VARS2: variants seen among roughly 807,000 people sequenced by gnomAD.
VARS2 encodes the protein valyl-tRNA synthetase 2, mitochondrial, also known as valine--tRNA ligase, mitochondrial.
A neutral mutation model predicts 154.1 loss-of-function variants in VARS2; 105 were observed. That is an observed-to-expected ratio of 0.68 (90% CI 0.58 to 0.80). VARS2 has a LOEUF of 0.80. VARS2 is among the 30% of genes least tolerant of loss of function. The pLI is 0.00. For synonymous variants in VARS2, 483 were observed against 539.5 expected (o/e 0.90, Z 1.45); for missense variants, 1,157 against 1,361.4 (o/e 0.85, Z 2.36).
Position 30,920,339 on chromosome 6 carries a change from CA to C in VARS2, c.1301del (p.His434ProfsTer9). 6.2e-7 allele frequency: 1 copy of C among 1,610,122 alleles called. No individual in the cohort carries two copies. The highest frequency in any genetic ancestry group is 8.5e-7 in the Non-Finnish European group (1 of 1,178,442). ...CTTGCCGCTTTTTCTCCAGGGTCTT[CA>C]CCGGTTTGTGGCCCGGGAAAAGATA... is the stretch of plus-strand genomic sequence containing the variant. ...SLCGDWLQGL[H>X]RFVAREKIMS... On this transcript the variant is annotated frameshift_variant, in exon 14 of 30. Coordinates refer to ENST00000676266, the MANE Select transcript of VARS2 (RefSeq NM_020442.6). LOFTEE classifies it high-confidence loss of function. The surrounding 1 kb of genome is among the most constrained non-coding windows in gnomAD (Gnocchi z 4.6).
In VARS2 at chr6:30,920,840, G is replaced by T; in HGVS notation, c.1479+91G>T. The T allele has an allele frequency of 3.2e-6, 4 of 1,235,634 alleles. No homozygotes were observed. Among genetic ancestry groups the T allele is most frequent in the East Asian group, 2.6e-5 (1 of 39,140 alleles). The allele number at this position is 1,235,634 out of a possible 1,614,324, so 76.5% of individuals were successfully genotyped here. A position where few individuals can be genotyped will look rare whatever the true frequency, so the allele number is the denominator to read the frequency against. ...AGAAATGGGAAGCAGGAGACCTCCT[G>T]CCCTGAAGACCTCTCCAGCTGTGGT... On this transcript the variant is annotated intron_variant, in intron 15 of 29. Coordinates refer to ENST00000676266, the MANE Select transcript of VARS2 (RefSeq NM_020442.6). This position sits in a 1 kb window ranked among gnomAD's most constrained non-coding sequence, Gnocchi z 4.6.
In VARS2 at chr6:30,917,802, G is replaced by A. The variant is rs547380025; in HGVS notation, c.981G>A (p.Glu327=). ...LFSVAFPVDG[E]PDAEVVVGTT... ...CTGTTGCCTTCCCCGTGGATGGAGA[G>A]CCTGGTGAGCATAGTACTCTGCAGG... Residue 327 remains glutamate (E), a synonymous_variant, in exon 10 of 30, where the codon GAG becomes GAA. Transcript: ENST00000676266. The surrounding 1 kb of genome is among the most constrained non-coding windows in gnomAD (Gnocchi z 4.4). 1 of 1,554,458 alleles carries A rather than the reference G, an allele frequency of 6.4e-7. No individual in the cohort carries two copies. Among genetic ancestry groups the A allele is most frequent in the East Asian group, 2.4e-5 (1 of 41,254 alleles).
Position 30,916,039 on chromosome 6 carries a change from G to T in VARS2, c.565G>T (p.Ala189Ser), listed in dbSNP as rs1296872162. 10 of 1,614,020 alleles carry T rather than the reference G, an allele frequency of 6.2e-6. No homozygotes were observed. The highest frequency in any genetic ancestry group is 7.6e-6 in the Non-Finnish European group (9 of 1,179,904). ...WVPGSDHAGI[A>S]TQAVVEKQLW... ...CCCTGGTTCAGATCATGCAGGAATT[G>T]CTACACAAGTATGTCTTTTGTTACC... The change falls in exon 6 of 30, where the codon GCT becomes TCT. Residue 189 changes from alanine to serine, a missense_variant. Physicochemically the swap from Ala to Ser is moderately conservative, Grantham distance 99. Coordinates refer to ENST00000676266, the MANE Select transcript of VARS2 (RefSeq NM_020442.6). This position sits in a 1 kb window ranked among gnomAD's most constrained non-coding sequence, Gnocchi z 4.0.
At position 30,919,067 on chromosome 6, in the gene VARS2, T is replaced by C. The variant is rs1794348937; in HGVS notation, c.1074+152T>C. 4 of 684,574 alleles carry C rather than the reference T, an allele frequency of 5.8e-6. No homozygotes were observed. Among genetic ancestry groups the C allele is most frequent in the East Asian group, 2.7e-5 (1 of 36,450 alleles). The allele number at this position is 684,574 out of a possible 1,614,324, so 42.4% of individuals were successfully genotyped here. On this transcript the variant is annotated intron_variant, in intron 11 of 29. Transcript: ENST00000676266. This position sits in a 1 kb window ranked among gnomAD's most constrained non-coding sequence, Gnocchi z 4.5. ...CTGATTGGACTCCCTCCTCCTCTTA[T>C]AGTTTTTCTGTAGCTCAGGGGTTGA...
chr6:30,924,388 G>T lies in VARS2; in HGVS notation c.2501G>T (p.Arg834Leu), dbSNP rs747564856. Reference protein sequence around the residue: ...AVKPVLWHSPRPLGPPQVLFS... With the variant: ...AVKPVLWHSPLPLGPPQVLFS... ...AAGCCCGTGCTGTGGCACTCGCCCCGCCCCCTGGGGCCCCCTCAGGTCCTG... is the reference window on the plus strand; with the variant it reads ...AAGCCCGTGCTGTGGCACTCGCCCCTCCCCCTGGGGCCCCCTCAGGTCCTG... The change falls in exon 26 of 30, where the codon CGC (arginine) becomes CTC (leucine). Residue 834 changes from arginine (R) to leucine (L), a missense_variant. Arg to Leu is a moderately radical substitution (Grantham distance 102). Coordinates refer to ENST00000676266, the MANE Select transcript of VARS2 (RefSeq NM_020442.6). The T allele has an allele frequency of 4.3e-6, 7 of 1,612,516 alleles. No homozygotes were observed. In the South Asian group the frequency reaches 7.7e-5, roughly 18 times the overall value.
chr6:30,922,698 A>T lies in VARS2; in HGVS notation c.2038-8A>T. 2.5e-6 allele frequency: 4 copies of T among 1,611,634 alleles called. No individual in the cohort carries two copies. The highest frequency in any genetic ancestry group is 3.4e-6 in the Non-Finnish European group (4 of 1,179,288). On this transcript the variant is annotated splice_polypyrimidine_tract_variant and splice_region_variant and intron_variant, in intron 21 of 29. Transcript: ENST00000676266. ...CCTGGGTCGTGAATTGCCCCCTTCCATCCCCAGGTGCTGCAGGAAAAGCTG... is the reference window on the plus strand; with the variant it reads ...CCTGGGTCGTGAATTGCCCCCTTCCTTCCCCAGGTGCTGCAGGAAAAGCTG...
chr6:30,917,092 C>T lies in VARS2; in HGVS notation c.754-13C>T, dbSNP rs750652969. The T allele has an allele frequency of 1.2e-6, 2 of 1,614,100 alleles. No individual in the cohort carries two copies. The highest frequency in any genetic ancestry group is 1.7e-6 in the Non-Finnish European group (2 of 1,180,032). On this transcript the variant is annotated splice_polypyrimidine_tract_variant and intron_variant, in intron 8 of 29. Coordinates refer to ENST00000676266, the MANE Select transcript of VARS2 (RefSeq NM_020442.6). This position sits in a 1 kb window ranked among gnomAD's most constrained non-coding sequence, Gnocchi z 4.4. ...GAAGTGGCTCTTAGAGGTGGACACTCAGGTCATTCCAGGGCTCCTCAGTGG... is the reference window on the plus strand; with the variant it reads ...GAAGTGGCTCTTAGAGGTGGACACTTAGGTCATTCCAGGGCTCCTCAGTGG...
Position 30,919,928 on chromosome 6 carries a change from G to T in VARS2, c.1165+80G>T. The T allele has an allele frequency of 6.8e-7, 1 of 1,480,236 alleles. No homozygotes were observed. Among genetic ancestry groups the T allele is most frequent in the Admixed American group, 2.2e-5 (1 of 44,972 alleles). 91.7% of individuals were successfully genotyped at this position (1,480,236 alleles called of 1,614,324 possible). On this transcript the variant is annotated intron_variant, in intron 12 of 29. Coordinates refer to ENST00000676266, the MANE Select transcript of VARS2 (RefSeq NM_020442.6). The surrounding 1 kb of genome is among the most constrained non-coding windows in gnomAD (Gnocchi z 4.5). ...GGGAACCAGGAGGAAGAGGAAGGTG[G>T]GAGTGGGAGATCCTCATATAGGGTG...
rs963260612 is a variant in VARS2, at chr6:30,919,398, G to A, written c.1075-360G>A. On this transcript the variant is annotated intron_variant, in intron 11 of 29. Coordinates refer to ENST00000676266, the MANE Select transcript of VARS2 (RefSeq NM_020442.6). This position sits in a 1 kb window ranked among gnomAD's most constrained non-coding sequence, Gnocchi z 4.5. ...GACGGAGTGTCACTGTGTTAGCCAGGATAGTCTCGATCTCCTGACCTCGTG... is the reference window on the plus strand; with the variant it reads ...GACGGAGTGTCACTGTGTTAGCCAGAATAGTCTCGATCTCCTGACCTCGTG... The A allele has an allele frequency of 3.0e-4, 65 of 218,014 alleles. No homozygotes were observed. The highest frequency in any genetic ancestry group is 2.2e-3 in the East Asian group (23 of 10,346). The allele number at this position is 218,014 out of a possible 1,614,324, so 13.5% of individuals were successfully genotyped here.
chr6:30,923,256 G>C, intron 24 of VARS2, 25 bp downstream of exon 24: 1 of 1,612,914 alleles, frequency 6.2e-7, no homozygotes, highest in East Asian at 2.2e-5. Flanking sequence ...AGGTGCTTGG[G>C]AGTAGGGTAG....
At chr6:30,918,705 G>C in intron 10 of VARS2, 122 bp from the exon 11 acceptor site, 1 of 752,274 alleles carries the variant, frequency 1.3e-6, no homozygotes, top group Non-Finnish European at 2.2e-6. Context: ...CACTCCTGGG[G>C]GCCTCTTCCA....
rs763604060 is a variant in VARS2, at chr6:30,924,564, A to G, written c.2673+4A>G. 6.6e-7 allele frequency: 1 copy of G among 1,513,462 alleles called. No homozygotes were observed. Among genetic ancestry groups the G allele is most frequent in the Non-Finnish European group, 8.9e-7 (1 of 1,123,188 alleles). 93.8% of individuals were successfully genotyped at this position (1,513,462 alleles called of 1,614,324 possible). On this transcript the variant is annotated splice_donor_region_variant and intron_variant, in intron 26 of 29. Transcript: ENST00000676266. Reference sequence around the variant, plus strand: ...CTACCCCAGCGCCTGCAGCTTGGTGAGTCCCAAGCACCTTGGAGTGGGTCT... The same window carrying G: ...CTACCCCAGCGCCTGCAGCTTGGTGGGTCCCAAGCACCTTGGAGTGGGTCT...
rs181658379 is a variant in VARS2, at chr6:30,915,312, G to A, written c.284-43G>A. The A allele has an allele frequency of 2.4e-5, 38 of 1,613,340 alleles. No homozygotes were observed. In the East Asian group the frequency reaches 8.2e-4, roughly 35 times the overall value. On this transcript the variant is annotated intron_variant, in intron 3 of 29. Transcript: ENST00000676266. ...TTTGGCCTGCCGAAATGCAGCCTGGGAACAAGTTCAGTGGTTAGTGGAGCT... is the reference window on the plus strand; with the variant it reads ...TTTGGCCTGCCGAAATGCAGCCTGGAAACAAGTTCAGTGGTTAGTGGAGCT...
At chr6:30,924,636 G>A in intron 26 of VARS2, 76 bp downstream of exon 26, 1 of 766,146 alleles carries the variant, frequency 1.3e-6, no homozygotes, top group African/African-American at 1.7e-5. Context: ...TGCTGCAGGG[G>A]GCTCATCTGC....
chr6:30,925,306 C>T lies in VARS2; in HGVS notation c.2706C>T (p.Arg902=). ...GGCGCCAGCCAGAGCTGGAGCGGCG[C>T]TTCTCCCGGGTCCAAGAGGTCGTGC... ...EHWRQPELER[R]FSRVQEVVQV... Residue 902 remains arginine, a synonymous_variant, in exon 27 of 30, where the codon CGC becomes CGT. Transcript: ENST00000676266. 1 of 1,612,592 alleles carries T rather than the reference C, an allele frequency of 6.2e-7. No individual in the cohort carries two copies. The highest frequency in any genetic ancestry group is 1.1e-5 in the South Asian group (1 of 91,012).
Position 30,922,714 on chromosome 6 carries a change from G to A in VARS2, c.2046G>A (p.Gln682=), listed in dbSNP as rs1340375152. 1 of 1,612,638 alleles carries A rather than the reference G, an allele frequency of 6.2e-7. No individual in the cohort carries two copies. Among genetic ancestry groups the A allele is most frequent in the Non-Finnish European group, 8.5e-7 (1 of 1,179,816 alleles). ...CCCCCTTCCATCCCCAGGTGCTGCAGGAAAAGCTGAGAAGCGGAAATTTGG... is the reference window on the plus strand; with the variant it reads ...CCCCCTTCCATCCCCAGGTGCTGCAAGAAAAGCTGAGAAGCGGAAATTTGG... The part of the protein sequence containing the change: ...IISGVEMQVL[Q]EKLRSGNLDP... The change falls in exon 22 of 30, where the codon CAG becomes CAA. Residue 682 remains glutamine (Q), a synonymous_variant. Transcript: ENST00000676266.
chr6:30,925,695 G>A lies in VARS2; in HGVS notation c.2937G>A (p.Thr979=), dbSNP rs1313880549. 3.1e-6 allele frequency: 5 copies of A among 1,611,030 alleles called. No homozygotes were observed. The highest frequency in any genetic ancestry group is 1.3e-5 in the African/African-American group (1 of 74,860). The change falls in exon 28 of 30, where the codon ACG becomes ACA. Residue 979 remains threonine, a synonymous_variant. Coordinates refer to ENST00000676266, the MANE Select transcript of VARS2 (RefSeq NM_020442.6). ...SGWAQAPLSD[T]AQVYMELQGL... is the part of the protein sequence containing the mutation. ...GGGCCCAGGCTCCACTCAGTGACAC[G>A]GCTCAAGTCTACATGGAGCTGCAGG...
At position 30,918,929 on chromosome 6, in the gene VARS2, C is replaced by G; in HGVS notation, c.1074+14C>G. 6.2e-7 allele frequency: 1 copy of G among 1,608,232 alleles called. No individual in the cohort carries two copies. Among genetic ancestry groups the G allele is most frequent in the Non-Finnish European group, 8.5e-7 (1 of 1,176,428 alleles). On this transcript the variant is annotated intron_variant, in intron 11 of 29. Coordinates refer to ENST00000676266, the MANE Select transcript of VARS2 (RefSeq NM_020442.6). ...TCGCGATACACAGTAATACCCAGTG[C>G]GCTCCTGCACTCTGGCCCGCCCCGC...
chr6:30,916,788 C>T lies in VARS2; in HGVS notation c.672-90C>T. On this transcript the variant is annotated intron_variant, in intron 7 of 29. Coordinates refer to ENST00000676266, the MANE Select transcript of VARS2 (RefSeq NM_020442.6). This position sits in a 1 kb window ranked among gnomAD's most constrained non-coding sequence, Gnocchi z 4.0. ...ATGCCATCCTCACTTGATTTTCCTC[C>T]AACACCTGGCATTGCTGGGGGCATC... 1 of 1,330,746 alleles carries T rather than the reference C, an allele frequency of 7.5e-7. No homozygotes were observed. The highest frequency in any genetic ancestry group is 1.1e-6 in the Non-Finnish European group (1 of 924,864). The allele number at this position is 1,330,746 out of a possible 1,614,324, so 82.4% of individuals were successfully genotyped here.
Sources: gnomAD v4.1 joint callset for allele counts on GRCh38, gnomAD v4.1.1 for gene constraint, Gnocchi (gnomAD v3.1) non-coding constraint, MANE v1.5 for transcripts, NCBI Gene and HGNC (gene_info 2026-07-23, HGNC 2026-07-21) for gene names.